The following SRPK1 variants were observed in gnomAD, a reference collection of about 807,000 sequenced individuals.
SRPK1 encodes the protein SRSF protein kinase 1.
In SRPK1, 52 loss-of-function variants were observed where a neutral mutation model predicts 89.5. The ratio of observed to expected loss-of-function variants is 0.58; its 90% CI spans 0.46 to 0.73. SRPK1 has a LOEUF of 0.73. SRPK1 is among the 30% of genes least tolerant of loss of function. The probability of loss-of-function intolerance (pLI) is 0.00; values close to 1 mark genes in which losing one functional copy is unlikely to be tolerated. For synonymous variants in SRPK1, 255 were observed against 270.2 expected, an observed-to-expected ratio of 0.94 and a Z score of 0.55; for missense variants, 603 against 780.6, an observed-to-expected ratio of 0.77 and a Z score of 2.71.
intron 12 of SRPK1, among the ~76,000 whole-genome samples, chr6:35,866,898 T>C (rs1349617870): frequency 6.6e-6 from 1 of 152,150 alleles, no homozygotes; most frequent in Non-Finnish European, 1.5e-5. Context: ...ATTATCTTAA[T>C]TGAAACAACT....
intron 6 of SRPK1, among the ~76,000 whole-genome samples, chr6:35,880,010 G>A (rs182629308): frequency 9.9e-4 from 149 of 150,296 alleles, no homozygotes; most frequent in Middle Eastern, 6.9e-3. Flanking sequence ...GATGTGAGCT[G>A]TGTTCGCACC....
intron 13 of SRPK1, among the ~76,000 whole-genome samples, chr6:35,853,563 T>C (rs1377997446): frequency 2.6e-5 from 4 of 152,134 alleles, no homozygotes; most frequent in Admixed American, 6.6e-5. Context: ...TGATTAGTAA[T>C]TGGCCAACTT....
intron 12 of SRPK1, 70 bp downstream of exon 12, chr6:35,868,940 A>T: frequency 3.2e-6 from 4 of 1,239,534 alleles, no homozygotes; most frequent in Non-Finnish European, 4.6e-6. Flanking sequence ...GATGTTTTGC[A>T]TAACTAAGTC....
chr6:35,896,756 T>G (rs566878597), intron 2 of SRPK1, among the ~76,000 whole-genome samples: 2 of 152,350 alleles, frequency 1.3e-5, no homozygotes, highest in South Asian at 4.1e-4. Context: ...AAATGCTGAC[T>G]GATTCCTGGG....
intron 6 of SRPK1, among the ~76,000 whole-genome samples, chr6:35,880,746 A>AAAAAAAAAAAAAAAGAAAG (rs1770263877): frequency 3.4e-5 from 3 of 89,200 alleles, no homozygotes; most frequent in Admixed American, 1.2e-4. Context: ...AAAAAAAAAA[A>AAAAAAAAAAAAAAAGAAAG]AAAAGAAAAG....
At chr6:35,871,711 GA>G (rs1312191324) in intron 8 of SRPK1, among the ~76,000 whole-genome samples, 1 of 151,738 alleles carries the variant, frequency 6.6e-6, no homozygotes, top group Admixed American at 6.6e-5. Context: ...TATCTCAAAA[GA>G]AAAAAAATCA....
At chr6:35,874,832 CA>C (rs766284716) in intron 6 of SRPK1, among the ~76,000 whole-genome samples, 4 of 152,242 alleles carry the variant, frequency 2.6e-5, no homozygotes, top group South Asian at 2.1e-4. Context: ...TAAATGCCAA[CA>C]TTTTTTTTTA....
At chr6:35,850,169 A>T (rs1026538501) in intron 13 of SRPK1, among the ~76,000 whole-genome samples, 1 of 152,220 alleles carries the variant, frequency 6.6e-6, no homozygotes, top group African/African-American at 2.4e-5. Flanking sequence ...GTACATTCGT[A>T]CCTCATTTCT....
chr6:35,912,386 T>A (rs756992309), intron 2 of SRPK1, among the ~76,000 whole-genome samples: 1 of 152,090 alleles, frequency 6.6e-6, no homozygotes, highest in Non-Finnish European at 1.5e-5. Flanking sequence ...CAAGACCTTA[T>A]ACCAGCAAAA....
At chr6:35,868,825 A>G (rs1769964420) in intron 12 of SRPK1, among the ~76,000 whole-genome samples, 185 bp downstream of exon 12, 4 of 152,196 alleles carry the variant, frequency 2.6e-5, no homozygotes, top group Admixed American at 2.6e-4. Context: ...CACGATTACC[A>G]TTCTACTTTC....
chr6:35,856,258 A>G (rs1357064089), intron 13 of SRPK1, among the ~76,000 whole-genome samples: 6 of 151,780 alleles, frequency 4.0e-5, no homozygotes, highest in Non-Finnish European at 5.9e-5. Flanking sequence ...TCAATGTGCC[A>G]GGAGGGTGAA....
chr6:35,870,393 C>T lies in SRPK1; in HGVS notation c.879G>A (p.Glu293=). The T allele has an allele frequency of 6.3e-7, 1 of 1,593,160 alleles. No homozygotes were observed. The highest frequency in any genetic ancestry group is 1.3e-5 in the African/African-American group (1 of 74,862). The change falls in exon 10 of 16, where the codon GAG becomes GAA. Residue 293 remains glutamate (E), a synonymous_variant. Coordinates refer to ENST00000373825, the MANE Select transcript of SRPK1 (RefSeq NM_003137.5). ...TTTTTTGCCCAGGGCCCGACTCTTT[C>T]TCCATTTCCTCAATTTCCTGCATTC... ...EKRMQEIEEM[E]KESGPGQKRP...
rs922084084 is a variant in SRPK1, at chr6:35,906,831, GA to G, written c.74+13636del. Among the ~76,000 whole-genome samples, 11 of 149,712 alleles carry G rather than the reference GA, an allele frequency of 7.3e-5. No individual in the cohort carries two copies. The East Asian group carries it at 1.4e-3, about 19-fold the overall frequency. Reference sequence around the variant, plus strand: ...TAATTATACCTCCATAAAACTGTAGGAAAAAAAAACCCACTCTAATGGACTA... The same window carrying G: ...TAATTATACCTCCATAAAACTGTAGGAAAAAAAACCCACTCTAATGGACTA... On this transcript the variant is annotated intron_variant, in intron 2 of 15. Coordinates refer to ENST00000373825, the MANE Select transcript of SRPK1 (RefSeq NM_003137.5).
intron 2 of SRPK1, among the ~76,000 whole-genome samples, chr6:35,896,733 G>A (rs1581592728): frequency 6.6e-6 from 1 of 152,168 alleles, no homozygotes; most frequent in Non-Finnish European, 1.5e-5. Flanking sequence ...TATTATGAAT[G>A]TACTATAAAG....
intron 13 of SRPK1, among the ~76,000 whole-genome samples, chr6:35,850,202 T>G (rs1335792547): frequency 6.6e-6 from 1 of 152,226 alleles, no homozygotes; most frequent in East Asian, 1.9e-4. Flanking sequence ...ATTTAATTGC[T>G]CAAATCATGA....
At position 35,862,612 on chromosome 6, in the gene SRPK1, T is replaced by C. The variant is rs899609756; in HGVS notation, c.1513-5244A>G. Among the ~76,000 whole-genome samples the C allele has an allele frequency of 3.3e-5, 5 of 151,920 alleles. 1 individual carries two copies. Among genetic ancestry groups the C allele is most frequent in the South Asian group, 4.1e-4 (2 of 4,824 alleles). On this transcript the variant is annotated intron_variant, in intron 12 of 15. Coordinates refer to ENST00000373825, the MANE Select transcript of SRPK1 (RefSeq NM_003137.5). Reference sequence around the variant, plus strand: ...AACGGAAGGACACAGAAAACATAAATAAACAAGTAAATATGACAGCACCAA... The same window carrying C: ...AACGGAAGGACACAGAAAACATAAACAAACAAGTAAATATGACAGCACCAA...
chr6:35,843,170 G>C (rs148868504), intron 13 of SRPK1, among the ~76,000 whole-genome samples: 1 of 150,966 alleles, frequency 6.6e-6, no homozygotes, highest in African/African-American at 2.4e-5. Flanking sequence ...GGGTTTCACT[G>C]CGTTAGCCAG....
chr6:35,891,470 A>G (rs965543773), intron 2 of SRPK1, among the ~76,000 whole-genome samples: 11 of 152,198 alleles, frequency 7.2e-5, no homozygotes, highest in Non-Finnish European at 1.6e-4. Flanking sequence ...CTGTAATCCC[A>G]GCACTTTGGG....
intron 2 of SRPK1, among the ~76,000 whole-genome samples, chr6:35,913,379 G>A (rs1254587966): frequency 6.6e-6 from 1 of 152,082 alleles, no homozygotes; most frequent in Non-Finnish European, 1.5e-5. Context: ...TGACCTTGAG[G>A]TAGGAGAATC....
Sources: allele counts gnomAD v4.1 joint callset (sites outside exome capture counted in the v4.1 genomes callset), GRCh38; gene constraint gnomAD v4.1.1; transcripts MANE v1.5; gene names NCBI Gene and HGNC (gene_info 2026-07-23, HGNC 2026-07-21).